PRKCA: variants seen among roughly 807,000 people sequenced by gnomAD.
PRKCA encodes protein kinase C alpha.
In PRKCA, 27 loss-of-function variants were observed where a neutral mutation model predicts 87.0. The observed-to-expected ratio is 0.31, with a 90% CI of 0.23 to 0.43. The LOEUF is 0.43. Ranked by LOEUF, PRKCA falls within the 20% of genes least tolerant of loss-of-function variation. The pLI is 1.00. For synonymous variants in PRKCA, 329 were observed against 311.1 expected (o/e 1.06, Z -0.61); for missense variants, 518 against 852.3 (o/e 0.61, Z 4.88).
chr17:66,503,121 GA>G (rs1343674857), intron 3 of PRKCA, among the ~76,000 whole-genome samples: 8 of 152,182 alleles, frequency 5.3e-5, no homozygotes, highest in Admixed American at 3.3e-4. Context: ...GGTGGTGGGG[GA>G]GAGAGTGGGA....
At chr17:66,554,519 C>G (rs1362418218) in intron 3 of PRKCA, 1 of 954,920 alleles carries the variant, frequency 1.0e-6, no homozygotes, top group African/African-American at 1.8e-5. Flanking sequence ...TTACCTACAG[C>G]TCTTCTCCCC....
In PRKCA at chr17:66,335,071, G is replaced by T. The variant is rs550381848; in HGVS notation, c.205+28944G>T. ...ATGTATAACTTCTCAAACTCATGGA[G>T]ACAGAAAGTAGAATGGTAGTGGGCT... On this transcript the variant is annotated intron_variant, in intron 2 of 16. Coordinates refer to ENST00000413366, the MANE Select transcript of PRKCA (RefSeq NM_002737.3). 3.3e-4 allele frequency among the ~76,000 whole-genome samples: 50 copies of T among 152,268 alleles called. 2 individuals are homozygous for T. In the South Asian group the frequency reaches 0.01, roughly 31 times the overall value.
chr17:66,746,947 T>A (rs767745585), intron 13 of PRKCA, among the ~76,000 whole-genome samples: 30 of 152,212 alleles, frequency 2.0e-4, no homozygotes, highest in Non-Finnish European at 3.8e-4. Context: ...ACACTAGCAT[T>A]GCGCACTCTT....
chr17:66,466,170 G>A (rs80080003), intron 2 of PRKCA, among the ~76,000 whole-genome samples: 5,012 of 152,312 alleles, frequency 0.033, 115 homozygotes, highest in Middle Eastern at 0.068. Flanking sequence ...GTCGAAGCAC[G>A]AGGATGGGTC....
intron 2 of PRKCA, among the ~76,000 whole-genome samples, chr17:66,363,290 T>C (rs913002569): frequency 3.3e-5 from 5 of 152,260 alleles, no homozygotes; most frequent in African/African-American, 1.2e-4. Flanking sequence ...TTTGTTATTT[T>C]ACCATAAGTT....
rs1333983253 is a variant in PRKCA at position 66,689,619 on chromosome 17, C to T, written c.918+572C>T. Among the ~76,000 whole-genome samples the T allele has an allele frequency of 3.3e-5, 5 of 152,232 alleles. No homozygotes were observed. Among genetic ancestry groups the T allele is most frequent in the South Asian group, 4.2e-4 (2 of 4,816 alleles). ...TTGGTATTTGTGTTTGCCTCTGTCCCGGATTCACTGGTCTTTTTACTTCTC... is the reference window on the plus strand; with the variant it reads ...TTGGTATTTGTGTTTGCCTCTGTCCTGGATTCACTGGTCTTTTTACTTCTC... On this transcript the variant is annotated intron_variant, in intron 8 of 16. Transcript: ENST00000413366. This position sits in a 1 kb window ranked among gnomAD's most constrained non-coding sequence, Gnocchi z 4.1.
intron 1 of PRKCA, 118 bp downstream of exon 1, chr17:66,303,142 A>T: frequency 3.7e-6 from 5 of 1,361,590 alleles, no homozygotes; most frequent in Non-Finnish European, 4.9e-6. Flanking sequence ...AACCGGCGGG[A>T]GTCCGAACTC....
chr17:66,741,340 T>C (rs3803822), intron 11 of PRKCA, among the ~76,000 whole-genome samples: 66,031 of 152,088 alleles, frequency 0.43, 14,919 homozygotes, highest in African/African-American at 0.55. Flanking sequence ...ATACTCCTGA[T>C]ATAGAATAGT....
intron 3 of PRKCA, among the ~76,000 whole-genome samples, chr17:66,525,660 A>G (rs1439109203): frequency 1.3e-5 from 2 of 152,152 alleles, no homozygotes; most frequent in Non-Finnish European, 2.9e-5. Flanking sequence ...CCCTGACCAG[A>G]GTTTGGACAA....
intron 3 of PRKCA, among the ~76,000 whole-genome samples, chr17:66,622,547 A>G (rs953999819): frequency 6.6e-6 from 1 of 152,212 alleles, no homozygotes; most frequent in Non-Finnish European, 1.5e-5. Flanking sequence ...TTAATGTGGA[A>G]AACTGACATC....
At chr17:66,420,938 G>T (rs1318037039) in intron 2 of PRKCA, among the ~76,000 whole-genome samples, 1 of 152,180 alleles carries the variant, frequency 6.6e-6, no homozygotes, top group Non-Finnish European at 1.5e-5. Flanking sequence ...TAACCCTGAA[G>T]AAAGAAAGGA....
chr17:66,388,351 A>G (rs933986317), intron 2 of PRKCA, among the ~76,000 whole-genome samples: 1 of 151,084 alleles, frequency 6.6e-6, no homozygotes, highest in Non-Finnish European at 1.5e-5. Context: ...CTGGAGTGTA[A>G]TGGCGCCATC....
chr17:66,453,421 G>T (rs1383016345), intron 2 of PRKCA, among the ~76,000 whole-genome samples: 1 of 151,664 alleles, frequency 6.6e-6, no homozygotes, highest in Non-Finnish European at 1.5e-5. Flanking sequence ...GGGTTCAAGC[G>T]ATTCTCCTGC....
At chr17:66,454,247 TG>T (rs1386440956) in intron 2 of PRKCA, among the ~76,000 whole-genome samples, 2 of 152,190 alleles carry the variant, frequency 1.3e-5, no homozygotes, top group African/African-American at 2.4e-5. Flanking sequence ...CTGGTCAGTG[TG>T]CTGGCTTCCT....
chr17:66,705,503 T>C (rs1418561190), intron 8 of PRKCA, among the ~76,000 whole-genome samples: 3 of 152,220 alleles, frequency 2.0e-5, no homozygotes, highest in African/African-American at 7.2e-5. Context: ...CCAAAAAAGA[T>C]TGTGCATTCT....
Position 66,305,068 on chromosome 17 carries a change from G to A in PRKCA, c.174-1028G>A, listed in dbSNP as rs189361903. On this transcript the variant is annotated intron_variant, in intron 1 of 16. Coordinates refer to ENST00000413366, the MANE Select transcript of PRKCA (RefSeq NM_002737.3). The stretch of plus-strand genomic sequence containing the variant: ...CAGGTCACCACCAGTATTGTGAAGT[G>A]GAAAATGCCCCCCTGAGGATCCCTG... 1.3e-4 allele frequency among the ~76,000 whole-genome samples: 20 copies of A among 152,212 alleles called. No homozygotes were observed. The East Asian group carries it at 3.7e-3, about 28-fold the overall frequency.
At chr17:66,401,539 A>T (rs1393101339) in intron 2 of PRKCA, among the ~76,000 whole-genome samples, 3 of 152,176 alleles carry the variant, frequency 2.0e-5, no homozygotes, top group East Asian at 3.9e-4. Context: ...GCATTCAGTG[A>T]TGTGGACGGC....
Position 66,688,359 on chromosome 17 carries a change from T to C in PRKCA, c.744T>C (p.Asp248=). ...RRLSVEIWDW[D]RTTRNDFMGS... is the part of the protein sequence containing the mutation. Reference sequence around the variant, plus strand: ...TGTCTGTAGAAATCTGGGACTGGGATCGAACAACAAGGAATGACTTCATGG... The same window carrying C: ...TGTCTGTAGAAATCTGGGACTGGGACCGAACAACAAGGAATGACTTCATGG... Residue 248 remains aspartate, a synonymous_variant, in exon 7 of 17, where the codon GAT becomes GAC. Transcript: ENST00000413366. 6.2e-7 allele frequency: 1 copy of C among 1,614,158 alleles called. No homozygotes were observed. The highest frequency in any genetic ancestry group is 8.5e-7 in the Non-Finnish European group (1 of 1,180,016).
In PRKCA at chr17:66,308,883, T is replaced by C. The variant is rs185698347; in HGVS notation, c.205+2756T>C. Among the ~76,000 whole-genome samples the C allele has an allele frequency of 5.5e-5, 7 of 127,544 alleles. No homozygotes were observed. In the East Asian group the frequency reaches 2.1e-3, roughly 38 times the overall value. The allele number at this position is 127,544 out of a possible 152,430, so 83.7% of individuals were successfully genotyped here. ...GAAGTTTTCTTTTAATGCTCTCTAA[T>C]TTTGTTTTTTTTTTCCTCGGTTTTG... is the stretch of plus-strand genomic sequence containing the variant. On this transcript the variant is annotated intron_variant, in intron 2 of 16. Coordinates refer to ENST00000413366, the MANE Select transcript of PRKCA (RefSeq NM_002737.3).
Sources: allele counts gnomAD v4.1 joint callset (sites outside exome capture counted in the v4.1 genomes callset), GRCh38; gene constraint gnomAD v4.1.1; non-coding constraint Gnocchi (gnomAD v3.1); transcripts MANE v1.5; gene names NCBI Gene and HGNC (gene_info 2026-07-23, HGNC 2026-07-21).